The following ST18 variants were observed in gnomAD, a reference collection of about 807,000 sequenced individuals.
ST18 encodes the protein ST18 C2H2C-type zinc finger transcription factor.
Under a neutral mutation model 110.0 loss-of-function variants are expected in ST18, and 50 were observed. That is an observed-to-expected ratio of 0.45 (90% CI 0.36 to 0.58). The LOEUF (loss-of-function observed/expected upper bound fraction) is 0.58. ST18 is among the 20% of genes least tolerant of loss of function. The pLI, the probability that ST18 is intolerant of heterozygous loss-of-function variation, is 0.00. For synonymous variants in ST18, 461 were observed against 452.4 expected (o/e 1.02, Z -0.24); for missense variants, 1,306 against 1,280.1 (o/e 1.02, Z -0.31).
At chr8:52,312,146 A>G (rs185824251) in intron 2 of ST18, among the ~76,000 whole-genome samples, 29 of 152,304 alleles carry the variant, frequency 1.9e-4, no homozygotes, top group Non-Finnish European at 3.1e-4. Flanking sequence ...ACAGATAGAC[A>G]GTTGCTGAAA....
At chr8:52,280,628 G>A (rs1395281318) in intron 2 of ST18, among the ~76,000 whole-genome samples, 2 of 151,936 alleles carry the variant, frequency 1.3e-5, no homozygotes, top group East Asian at 3.8e-4. Context: ...TATTATTAAT[G>A]ACCTTATTTA....
Position 52,295,758 on chromosome 8 carries a change from G to T in ST18, c.-464-65681C>A, listed in dbSNP as rs115396643. The stretch of plus-strand genomic sequence containing the variant: ...TAAGGGAGACAAGCTCCAACAATGT[G>T]TTAGCATATCAGATAGAAAATAGTT... On this transcript the variant is annotated intron_variant, in intron 2 of 25. Transcript: ENST00000689386. Among the ~76,000 whole-genome samples, 989 of 132,918 alleles carry T rather than the reference G, an allele frequency of 7.4e-3. 11 individuals carry two copies. The highest frequency in any genetic ancestry group is 0.027 in the African/African-American group (939 of 35,232). The allele number at this position is 132,918 out of a possible 152,430, so 87.2% of individuals were successfully genotyped here.
At chr8:52,325,950 A>T (rs1009476539) in intron 2 of ST18, among the ~76,000 whole-genome samples, 7 of 152,226 alleles carry the variant, frequency 4.6e-5, no homozygotes, top group Admixed American at 2.0e-4. Flanking sequence ...ATATATTAGG[A>T]TATCAGCTGT....
intron 2 of ST18, among the ~76,000 whole-genome samples, chr8:52,245,418 T>C (rs2093764724): frequency 6.6e-6 from 1 of 152,138 alleles, no homozygotes; most frequent in South Asian, 2.1e-4. Context: ...ATATTGAAAT[T>C]GGATATATAT....
chr8:52,114,495 T>A (rs1267874403), intron 25 of ST18, among the ~76,000 whole-genome samples: 1 of 152,208 alleles, frequency 6.6e-6, no homozygotes, highest in Non-Finnish European at 1.5e-5. Flanking sequence ...CATTTAAATG[T>A]CAAAGTACTG....
chr8:52,231,786 T>A (rs2091454141), intron 2 of ST18, among the ~76,000 whole-genome samples: 1 of 152,166 alleles, frequency 6.6e-6, no homozygotes, highest in African/African-American at 2.4e-5. Flanking sequence ...GGTGGCTTCT[T>A]AAGTGGCACA....
chr8:52,122,446 C>A (rs1266155480), intron 23 of ST18, among the ~76,000 whole-genome samples: 1 of 151,704 alleles, frequency 6.6e-6, no homozygotes, highest in Non-Finnish European at 1.5e-5. Flanking sequence ...CAAACAAATT[C>A]TATTATATTT....
intron 2 of ST18, among the ~76,000 whole-genome samples, chr8:52,330,200 T>G (rs1258001559): frequency 1.3e-5 from 2 of 152,214 alleles, no homozygotes; most frequent in Non-Finnish European, 2.9e-5. Flanking sequence ...ATTATTCTTA[T>G]CTTCATTTAA....
intron 3 of ST18, among the ~76,000 whole-genome samples, chr8:52,225,631 G>A (rs946683595): frequency 6.6e-6 from 1 of 152,172 alleles, no homozygotes; most frequent in African/African-American, 2.4e-5. Flanking sequence ...ACTCTGATCC[G>A]GTGATGGAGG....
chr8:52,135,568 CAA>C (rs71252929), intron 19 of ST18, among the ~76,000 whole-genome samples: 15,687 of 55,126 alleles, frequency 0.28, 532 homozygotes, highest in African/African-American at 0.38. Context: ...AACTCCATCT[CAA>C]AAAAAAAAAA....
At position 52,166,948 on chromosome 8, in the gene ST18, T is replaced by G; in HGVS notation, c.1108A>C (p.Ile370Leu). The change falls in exon 11 of 26, where the codon ATC becomes CTC. Residue 370 changes from isoleucine (I) to leucine (L), a missense_variant. Physicochemically the swap from Ile to Leu is conservative, Grantham distance 5. Transcript: ENST00000689386. ...RPEKRETKCP[I>L]PGCDGTGHVT... ...TGTCCCGTGCCATCACATCCAGGGA[T>G]CGGGCACTTGGTCTCCCTCTTTTCA... is the stretch of plus-strand genomic sequence containing the variant. 6.2e-7 allele frequency: 1 copy of G among 1,612,108 alleles called. No individual in the cohort carries two copies. Among genetic ancestry groups the G allele is most frequent in the Non-Finnish European group, 8.5e-7 (1 of 1,178,490 alleles).
intron 3 of ST18, among the ~76,000 whole-genome samples, chr8:52,223,093 C>A (rs566424419): frequency 5.9e-5 from 9 of 152,272 alleles, no homozygotes; most frequent in East Asian, 1.9e-4. Context: ...AAAGTCATCA[C>A]GAAGGACTAC....
rs543718919 is a variant in ST18, at chr8:52,220,644, G to C, written c.-157+97C>G. ...ATTTGTAAGCGAATCCACAGAGAAA[G>C]AGCTGTTGTAGAGGAGAGCTTTCGT... On this transcript the variant is annotated intron_variant, in intron 5 of 25. Transcript: ENST00000689386. 8 of 152,178 alleles carry C rather than the reference G, an allele frequency of 5.3e-5. No homozygotes were observed. In the East Asian group the frequency reaches 1.5e-3, roughly 29 times the overall value. The allele number at this position is 152,178 out of a possible 1,614,324, so 9.4% of individuals were successfully genotyped here. A position where few individuals can be genotyped will look rare whatever the true frequency, so the allele number is the denominator to read the frequency against.
intron 4 of ST18, among the ~76,000 whole-genome samples, chr8:52,221,326 T>A (rs1443298311): frequency 6.6e-6 from 1 of 152,216 alleles, no homozygotes; most frequent in African/African-American, 2.4e-5. Context: ...GGGTTCTTTT[T>A]AACGAGACCA....
At chr8:52,398,827 G>A (rs1468758804) in intron 2 of ST18, among the ~76,000 whole-genome samples, 1 of 152,070 alleles carries the variant, frequency 6.6e-6, no homozygotes, top group Non-Finnish European at 1.5e-5. Flanking sequence ...ATGCATTGCT[G>A]AATTGAGTTT....
chr8:52,116,640 T>C (rs961015822), intron 24 of ST18, among the ~76,000 whole-genome samples: 4 of 152,232 alleles, frequency 2.6e-5, no homozygotes, highest in African/African-American at 7.2e-5. Flanking sequence ...TCATGAATTG[T>C]AGAACTTCTC....
At chr8:52,225,670 G>A (rs989468795) in intron 3 of ST18, among the ~76,000 whole-genome samples, 1 of 152,166 alleles carries the variant, frequency 6.6e-6, no homozygotes, top group African/African-American at 2.4e-5. Context: ...GGAAATGTCC[G>A]TGTTTCTATC....
chr8:52,279,310 G>A (rs1459709500), intron 2 of ST18, among the ~76,000 whole-genome samples: 3 of 151,948 alleles, frequency 2.0e-5, no homozygotes, highest in Admixed American at 6.6e-5. Flanking sequence ...ACCTAACAGC[G>A]GGTTAGACAC....
intron 2 of ST18, among the ~76,000 whole-genome samples, chr8:52,351,666 G>C (rs1166567995): frequency 6.6e-6 from 1 of 152,226 alleles, no homozygotes; most frequent in Non-Finnish European, 1.5e-5. Context: ...AAGTGGGAGA[G>C]AGAAAAATAC....
Sources: allele counts gnomAD v4.1 joint callset (sites outside exome capture counted in the v4.1 genomes callset), GRCh38; gene constraint gnomAD v4.1.1; transcripts MANE v1.5; gene names NCBI Gene and HGNC (gene_info 2026-07-23, HGNC 2026-07-21).